E2F2: variants seen among roughly 807,000 people sequenced by gnomAD.
E2F2 encodes E2F transcription factor 2, also known as transcription factor E2F2.
A neutral mutation model predicts 42.2 loss-of-function variants in E2F2; 22 were observed. The ratio of observed to expected loss-of-function variants is 0.52; its 90% CI spans 0.37 to 0.74. E2F2 has a LOEUF of 0.74. Ranked by LOEUF, E2F2 falls within the 30% of genes least tolerant of loss-of-function variation. E2F2 has a pLI of 0.00. For synonymous variants in E2F2, 248 were observed against 251.6 expected, an observed-to-expected ratio of 0.99 and a Z score of 0.13; for missense variants, 481 against 557.8, an observed-to-expected ratio of 0.86 and a Z score of 1.39.
At chr1:23,522,674 T>G (rs185648589) in intron 2 of E2F2, among the ~76,000 whole-genome samples, 18 of 152,332 alleles carry the variant, frequency 1.2e-4, no homozygotes, top group African/African-American at 4.3e-4. Context: ...TCTTCCCATG[T>G]GAATCACAAT....
Position 23,508,003 on chromosome 1 carries a change from C to T in E2F2, c.*1877G>A, listed in dbSNP as rs1642834593. The T allele has an allele frequency of 6.6e-6, 1 of 152,266 alleles. No individual in the cohort carries two copies. The highest frequency in any genetic ancestry group is 2.4e-5 in the African/African-American group (1 of 41,456). 9.4% of individuals were successfully genotyped at this position (152,266 alleles called of 1,614,324 possible). ...CCCACTCACCACAAACGAGATCCTA[C>T]ACAGGGTCCCTGAGCATGCTGGACT... On this transcript the variant is annotated 3_prime_UTR_variant, in exon 7 of 7. Coordinates refer to ENST00000361729, the MANE Select transcript of E2F2 (RefSeq NM_004091.4).
intron 3 of E2F2, chr1:23,521,614 C>G (rs766127028): frequency 1.0e-6 from 1 of 984,350 alleles, no homozygotes; most frequent in Non-Finnish European, 1.2e-6. Context: ...TCACGTTCTC[C>G]GATTACTTCA....
intron 1 of E2F2, among the ~76,000 whole-genome samples, chr1:23,528,263 C>T (rs368476840): frequency 8.5e-5 from 13 of 152,346 alleles, no homozygotes; most frequent in South Asian, 2.1e-4. Flanking sequence ...AACTTGGTTG[C>T]CATCCTTGGA....
At position 23,509,118 on chromosome 1, in the gene E2F2, C is replaced by CGGAA; in HGVS notation, c.*761_*762insTTCC. On this transcript the variant is annotated 3_prime_UTR_variant, in exon 7 of 7. Coordinates refer to ENST00000361729, the MANE Select transcript of E2F2 (RefSeq NM_004091.4). The stretch of plus-strand genomic sequence containing the variant: ...CTCCTGAGCAGGTGGCTCCTGTTTC[C>CGGAA]ACAGGAGCCTCAGTGCTACCTGCCC... 1 of 152,248 alleles carries CGGAA rather than the reference C, an allele frequency of 6.6e-6. No homozygotes were observed. The highest frequency in any genetic ancestry group is 1.9e-4 in the East Asian group (1 of 5,178). 9.4% of individuals were successfully genotyped at this position (152,248 alleles called of 1,614,324 possible).
At chr1:23,510,756 G>A (rs1470118165) in intron 6 of E2F2, among the ~76,000 whole-genome samples, 1 of 152,220 alleles carries the variant, frequency 6.6e-6, no homozygotes, top group Non-Finnish European at 1.5e-5. Flanking sequence ...CGCAGGGACA[G>A]AGAGTAGAAG....
intron 5 of E2F2, among the ~76,000 whole-genome samples, chr1:23,517,883 T>C (rs1643055929): frequency 6.6e-6 from 1 of 152,156 alleles, no homozygotes; most frequent in African/African-American, 2.4e-5. Flanking sequence ...ATGAGGGTCT[T>C]GCACGGCTAG....
rs137863297 is a variant in E2F2, at chr1:23,521,091, C to G, written c.579-20G>C. 7 of 1,595,914 alleles carry G rather than the reference C, an allele frequency of 4.4e-6. No homozygotes were observed. Among genetic ancestry groups the G allele is most frequent in the Non-Finnish European group, 6.0e-6 (7 of 1,172,132 alleles). Reference sequence around the variant, plus strand: ...CTGCCTCTGGGAACAGAGCAGCCCCCCAGTGTCAGTCTGTGGGTGAAACTC... The same window carrying G: ...CTGCCTCTGGGAACAGAGCAGCCCCGCAGTGTCAGTCTGTGGGTGAAACTC... On this transcript the variant is annotated intron_variant, in intron 3 of 6. Transcript: ENST00000361729.
chr1:23,522,564 C>T (rs116087010), intron 2 of E2F2, among the ~76,000 whole-genome samples: 378 of 152,108 alleles, frequency 2.5e-3, no homozygotes, highest in African/African-American at 7.2e-3. Flanking sequence ...TTAACCATTA[C>T]CCTATCCTGC....
Position 23,524,396 on chromosome 1 carries a change from G to A in E2F2, c.345C>T (p.Leu115=), listed in dbSNP as rs144616956. 6.8e-5 allele frequency: 110 copies of A among 1,611,664 alleles called. No homozygotes were observed. Among genetic ancestry groups the A allele is most frequent in the Non-Finnish European group, 9.1e-5 (107 of 1,178,948 alleles). ...PKGKCIRVDG[L]PSPKTPKSPG... ...AGCACTGCTTACTTTTGGGGCTGGG[G>A]AGGCCATCCACTCTGATGCACTTCC... Residue 115 remains leucine, a synonymous_variant, in exon 2 of 7, where the codon CTC becomes CTT. Coordinates refer to ENST00000361729, the MANE Select transcript of E2F2 (RefSeq NM_004091.4).
Position 23,530,496 on chromosome 1 carries a change from C to T in E2F2, c.252+46G>A. ...TCAGGCACCCCTCCCTCCTTTCCCA[C>T]ACCTGGAAAAGCATAGGGGGAAGCG... On this transcript the variant is annotated intron_variant, in intron 1 of 6. Transcript: ENST00000361729. The surrounding 1 kb of genome is among the most constrained non-coding windows in gnomAD (Gnocchi z 4.4). 6.2e-7 allele frequency: 1 copy of T among 1,600,920 alleles called. No individual in the cohort carries two copies. Among genetic ancestry groups the T allele is most frequent in the Non-Finnish European group, 8.5e-7 (1 of 1,173,972 alleles).
chr1:23,519,658 G>T (rs151026334), intron 4 of E2F2, among the ~76,000 whole-genome samples: 3 of 152,176 alleles, frequency 2.0e-5, no homozygotes, highest in Non-Finnish European at 4.4e-5. Context: ...GGCCGAACGC[G>T]GCGGCTCATG....
At chr1:23,505,432 T>G (rs529334746), downstream of E2F2, among the ~76,000 whole-genome samples, 1 of 152,334 alleles carries the variant, frequency 6.6e-6, no homozygotes, top group South Asian at 2.1e-4. Context: ...TTCAGCTGCA[T>G]TAGACTCACC....
At chr1:23,529,198 C>T (rs3218132) in intron 1 of E2F2, among the ~76,000 whole-genome samples, 116 of 152,310 alleles carry the variant, frequency 7.6e-4, no homozygotes, top group Non-Finnish European at 1.3e-3. Flanking sequence ...ATCTATTTCA[C>T]GAACTACAAA....
In E2F2 at chr1:23,531,160, G is replaced by C. The variant is rs1205780900; in HGVS notation, c.-367C>G. The stretch of plus-strand genomic sequence containing the variant: ...CTCAAGCTCGGCGGAGACGCGATGC[G>C]CTGGGATGGGGAGGGGGGTCTCGAC... On this transcript the variant is annotated 5_prime_UTR_variant, in exon 1 of 7. Coordinates refer to ENST00000361729, the MANE Select transcript of E2F2 (RefSeq NM_004091.4). 1 of 245,074 alleles carries C rather than the reference G, an allele frequency of 4.1e-6. No homozygotes were observed. Among genetic ancestry groups the C allele is most frequent in the Non-Finnish European group, 7.8e-6 (1 of 128,282 alleles). The allele number at this position is 245,074 out of a possible 1,614,324, so 15.2% of individuals were successfully genotyped here. A position where few individuals can be genotyped will look rare whatever the true frequency, so the allele number is the denominator to read the frequency against.
intron 5 of E2F2, among the ~76,000 whole-genome samples, chr1:23,518,796 G>A (rs3218177): frequency 0.057 from 8,608 of 152,210 alleles, 570 homozygotes; most frequent in South Asian, 0.3. Flanking sequence ...AAAGAAACCA[G>A]GAACAGAGAT....
chr1:23,517,128 T>C (rs1643040557), intron 5 of E2F2, among the ~76,000 whole-genome samples: 1 of 152,070 alleles, frequency 6.6e-6, no homozygotes, highest in Non-Finnish European at 1.5e-5. Context: ...TTGCCAGCAA[T>C]CTCTGAATCT....
In E2F2 at chr1:23,509,749, G is replaced by A. The variant is rs976922290; in HGVS notation, c.*131C>T. The A allele has an allele frequency of 7.1e-7, 1 of 1,400,854 alleles. No individual in the cohort carries two copies. The highest frequency in any genetic ancestry group is 1.5e-5 in the African/African-American group (1 of 67,820). The allele number at this position is 1,400,854 out of a possible 1,614,324, so 86.8% of individuals were successfully genotyped here. A position where few individuals can be genotyped will look rare whatever the true frequency, so the allele number is the denominator to read the frequency against. ...ACACAGCTTCTGCCGGCTGGGGCAG[G>A]AAAGGCGAGGAGACCCCATGCCCTG... On this transcript the variant is annotated 3_prime_UTR_variant, in exon 7 of 7. Transcript: ENST00000361729.
intron 6 of E2F2, among the ~76,000 whole-genome samples, chr1:23,513,562 A>ATGTGTGTGTGTGTGTGTGTGTGTG (rs71023281): frequency 7.4e-6 from 1 of 135,186 alleles, no homozygotes; most frequent in Non-Finnish European, 1.6e-5. Flanking sequence ...AGCACGGAAC[A>ATGTGTGTGTGTGTGTGTGTGTGTG]TGTGTGTGTG....
At position 23,509,598 on chromosome 1, in the gene E2F2, A is replaced by T; in HGVS notation, c.*282T>A. On this transcript the variant is annotated 3_prime_UTR_variant, in exon 7 of 7. Coordinates refer to ENST00000361729, the MANE Select transcript of E2F2 (RefSeq NM_004091.4). Reference sequence around the variant, plus strand: ...GCCTTTCCCTGGACTTGGCCACCTCACCTGCAGCCTTCTTGTGAGAGGTCA... The same window carrying T: ...GCCTTTCCCTGGACTTGGCCACCTCTCCTGCAGCCTTCTTGTGAGAGGTCA... 1 of 396,396 alleles carries T rather than the reference A, an allele frequency of 2.5e-6. No individual in the cohort carries two copies. The highest frequency in any genetic ancestry group is 4.9e-5 in the Admixed American group (1 of 20,346). 24.6% of individuals were successfully genotyped at this position (396,396 alleles called of 1,614,324 possible).
Sources: allele counts gnomAD v4.1 joint callset (sites outside exome capture counted in the v4.1 genomes callset), GRCh38; gene constraint gnomAD v4.1.1; non-coding constraint Gnocchi (gnomAD v3.1); transcripts MANE v1.5; gene names NCBI Gene and HGNC (gene_info 2026-07-23, HGNC 2026-07-21).